Variants in STXBP5L observed in about 807,000 individuals in gnomAD.
STXBP5L encodes the protein syntaxin-binding protein 5-like.
A neutral mutation model predicts 144.5 loss-of-function variants in STXBP5L; 65 were observed. The ratio of observed to expected loss-of-function variants is 0.45; its 90% CI spans 0.37 to 0.55. STXBP5L has a LOEUF of 0.55. STXBP5L is among the 20% of genes least tolerant of loss of function. STXBP5L has a pLI of 0.00. For missense variants in STXBP5L, 1,298 were observed against 1,405.5 expected (o/e 0.92, Z 1.22); for synonymous variants, 505 against 469.6 (o/e 1.08, Z -0.97).
chr3:121,045,705 A>G (rs1947472746), intron 5 of STXBP5L, among the ~76,000 whole-genome samples, 170 bp downstream of exon 5: 1 of 152,150 alleles, frequency 6.6e-6, no homozygotes, highest in African/African-American at 2.4e-5. Context: ...TGCGTAATTG[A>G]TATAGATCCA....
chr3:121,188,001 A>G (rs2047472470), intron 9 of STXBP5L, among the ~76,000 whole-genome samples: 1 of 152,144 alleles, frequency 6.6e-6, no homozygotes, highest in African/African-American at 2.4e-5. Context: ...TTAAATATAT[A>G]TGCACCGAAT....
At chr3:121,268,928 TTAG>T (rs1278930948) in intron 18 of STXBP5L, among the ~76,000 whole-genome samples, 6 of 152,182 alleles carry the variant, frequency 3.9e-5, no homozygotes, top group Non-Finnish European at 8.8e-5. Context: ...TCATTATCAT[TTAG>T]TAGTATGCCT....
At chr3:121,218,641 T>C (rs2048879631) in intron 10 of STXBP5L, among the ~76,000 whole-genome samples, 1 of 151,916 alleles carries the variant, frequency 6.6e-6, no homozygotes, top group African/African-American at 2.4e-5. Flanking sequence ...GAAAATTCTT[T>C]GGCAAGGAGA....
chr3:121,062,839 G>T (rs1005456789), intron 5 of STXBP5L, among the ~76,000 whole-genome samples: 1 of 152,124 alleles, frequency 6.6e-6, no homozygotes, highest in Non-Finnish European at 1.5e-5. Flanking sequence ...TTCTCATTCA[G>T]TGTTTTTCAG....
intron 9 of STXBP5L, among the ~76,000 whole-genome samples, chr3:121,171,734 C>T (rs569052622): frequency 9.9e-5 from 15 of 151,044 alleles, no homozygotes; most frequent in South Asian, 4.2e-4. Context: ...TCCATGCTGA[C>T]GGATAAGAAG....
intron 5 of STXBP5L, among the ~76,000 whole-genome samples, chr3:121,081,009 T>C (rs2042226112): frequency 6.6e-6 from 1 of 152,196 alleles, no homozygotes; most frequent in African/African-American, 2.4e-5. Context: ...ATTTTAGGTT[T>C]GGCTGTTTAA....
At chr3:121,258,183 AAT>A in intron 17 of STXBP5L, among the ~76,000 whole-genome samples, 1 of 152,222 alleles carries the variant, frequency 6.6e-6, no homozygotes, top group East Asian at 1.9e-4. Flanking sequence ...TGATTTTAGT[AAT>A]AGAGTATAAA....
intron 20 of STXBP5L, among the ~76,000 whole-genome samples, chr3:121,354,580 T>C (rs2045431580): frequency 6.6e-6 from 1 of 150,444 alleles, no homozygotes; most frequent in South Asian, 2.1e-4. Context: ...TTTTAGCTTA[T>C]GTGTGTCTTT....
chr3:121,359,866 G>A (rs568245543), intron 20 of STXBP5L, among the ~76,000 whole-genome samples: 1 of 150,154 alleles, frequency 6.7e-6, no homozygotes, highest in Non-Finnish European at 1.5e-5. Context: ...AGTATAATTT[G>A]TACCTCTGTA....
rs199498944 is a variant in STXBP5L, at chr3:121,241,869, G to GA, written c.1400+1370dup. On this transcript the variant is annotated intron_variant, in intron 14 of 26. Transcript: ENST00000471454. ...AACTTCTGAACAGTAAACACTGAAAGAAAAAAAATCTGGAAAGCCACAGTA... is the reference window on the plus strand; with the variant it reads ...AACTTCTGAACAGTAAACACTGAAAGAAAAAAAAATCTGGAAAGCCACAGTA... Among the ~76,000 whole-genome samples, 537 of 151,950 alleles carry GA rather than the reference G, an allele frequency of 3.5e-3. 1 individual carries two copies. The highest frequency in any genetic ancestry group is 0.013 in the African/African-American group (520 of 41,458).
chr3:121,378,578 C>A, intron 20 of STXBP5L, 138 bp from the exon 21 acceptor site: 2 of 998,608 alleles, frequency 2.0e-6, no homozygotes, highest in Non-Finnish European at 2.7e-6. Context: ...CTTAAAAGAA[C>A]AAGGACTTAA....
chr3:121,281,941 G>C (rs556876828), intron 19 of STXBP5L, among the ~76,000 whole-genome samples: 1 of 151,208 alleles, frequency 6.6e-6, no homozygotes, highest in Non-Finnish European at 1.5e-5. Context: ...AGTGTATTTT[G>C]TAAAAACATA....
rs186377686 is a variant in STXBP5L at position 121,298,052 on chromosome 3, C to T, written c.2110+18096C>T. ...CTATTTTTTATTTTTTGATGAACCT[C>T]ATTGCTGTTTTCCATCTCAGCTGTA... is the stretch of plus-strand genomic sequence containing the variant. On this transcript the variant is annotated intron_variant, in intron 19 of 26. Coordinates refer to ENST00000471454, the MANE Select transcript of STXBP5L (RefSeq NM_001308330.2). 3.9e-5 allele frequency among the ~76,000 whole-genome samples: 6 copies of T among 152,270 alleles called. No individual in the cohort carries two copies. The East Asian group carries it at 9.6e-4, about 24-fold the overall frequency.
chr3:121,029,329 A>C (rs932873035), intron 3 of STXBP5L, among the ~76,000 whole-genome samples: 1 of 152,206 alleles, frequency 6.6e-6, no homozygotes, highest in African/African-American at 2.4e-5. Flanking sequence ...GTAACAAAAC[A>C]GATATATAGA....
At chr3:121,058,304 C>A (rs564638896) in intron 5 of STXBP5L, among the ~76,000 whole-genome samples, 1 of 152,314 alleles carries the variant, frequency 6.6e-6, no homozygotes, top group East Asian at 1.9e-4. Flanking sequence ...AAGACATGAA[C>A]TAATCCTTTT....
chr3:120,956,263 G>A lies in STXBP5L; in HGVS notation c.287+1226G>A, dbSNP rs1461486612. The stretch of plus-strand genomic sequence containing the variant: ...TTTATATTATGCAACCATCATCACC[G>A]TCCTTTTCTGTAAATCTTTCACTTT... On this transcript the variant is annotated intron_variant, in intron 3 of 26. Transcript: ENST00000471454. Among the ~76,000 whole-genome samples the A allele has an allele frequency of 2.0e-5, 3 of 151,814 alleles. No homozygotes were observed. In the East Asian group the frequency reaches 5.8e-4, roughly 29 times the overall value.
intron 12 of STXBP5L, 37 bp downstream of exon 12, chr3:121,233,725 C>A (rs2049380823): frequency 2.1e-6 from 3 of 1,428,290 alleles, no homozygotes; most frequent in Admixed American, 4.0e-5. Flanking sequence ...CTTTTAAACT[C>A]TATTTATTTT....
At chr3:121,258,393 T>G (rs2050277099) in intron 17 of STXBP5L, among the ~76,000 whole-genome samples, 1 of 152,190 alleles carries the variant, frequency 6.6e-6, no homozygotes. Context: ...GCAAAATTCA[T>G]GCAATTAGCA....
chr3:121,246,551 A>G (rs963851699), intron 14 of STXBP5L, among the ~76,000 whole-genome samples: 1 of 152,230 alleles, frequency 6.6e-6, no homozygotes, highest in Non-Finnish European at 1.5e-5. Flanking sequence ...AAGGGTATAT[A>G]GAGTCTCAGA....
Sources: gnomAD v4.1 joint callset for allele counts (sites outside exome capture counted in the v4.1 genomes callset) on GRCh38, gnomAD v4.1.1 for gene constraint, MANE v1.5 for transcripts, NCBI Gene and HGNC (gene_info 2026-07-23, HGNC 2026-07-21) for gene names.